Variants in RO60 observed in about 807,000 individuals in gnomAD.
RO60 encodes RNA-binding protein RO60.
In RO60, 20 loss-of-function variants were observed where a neutral mutation model predicts 55.3. That is an observed-to-expected ratio of 0.36 (90% CI 0.25 to 0.53). The LOEUF (loss-of-function observed/expected upper bound fraction) is 0.53. RO60 is among the 20% of genes least tolerant of loss of function. The pLI is 0.92. For missense variants in RO60, 558 were observed against 646.6 expected, an observed-to-expected ratio of 0.86 and a Z score of 1.49; for synonymous variants, 213 against 213.6, an observed-to-expected ratio of 1.00 and a Z score of 0.02.
intron 6 of RO60, among the ~76,000 whole-genome samples, chr1:193,081,852 G>T (rs1470956695): frequency 6.6e-6 from 1 of 152,050 alleles, no homozygotes; most frequent in African/African-American, 2.4e-5. Flanking sequence ...GAACTAATAG[G>T]AGTGTCTAGA....
At chr1:193,074,094 C>G (rs1201029375) in intron 2 of RO60, among the ~76,000 whole-genome samples, 1 of 152,132 alleles carries the variant, frequency 6.6e-6, no homozygotes, top group Non-Finnish European at 1.5e-5. Context: ...GCATAGTATT[C>G]CATGGTGTAT....
At chr1:193,067,431 C>T (rs973652103) in intron 1 of RO60, among the ~76,000 whole-genome samples, 1 of 151,922 alleles carries the variant, frequency 6.6e-6, no homozygotes, top group Admixed American at 6.6e-5. Context: ...GTGATCCGCC[C>T]GTCTCGGCCT....
At chr1:193,079,924 C>A (rs534759945) in intron 5 of RO60, among the ~76,000 whole-genome samples, 2 of 148,324 alleles carry the variant, frequency 1.3e-5, no homozygotes, top group East Asian at 3.9e-4. Context: ...GTCAGGAGTT[C>A]GAGACCAGCC....
chr1:193,073,763 T>A (rs1394722037), intron 2 of RO60, among the ~76,000 whole-genome samples: 2 of 152,100 alleles, frequency 1.3e-5, no homozygotes, highest in Non-Finnish European at 2.9e-5. Context: ...ATACTTTAAG[T>A]TCTAGGGTAC....
At chr1:193,071,890 T>C (rs1272337513) in intron 2 of RO60, among the ~76,000 whole-genome samples, 1 of 150,046 alleles carries the variant, frequency 6.7e-6, no homozygotes, top group Non-Finnish European at 1.5e-5. Context: ...TATGTATGTG[T>C]GTGTATATAT....
chr1:193,067,475 G>A (rs923151245), intron 1 of RO60, among the ~76,000 whole-genome samples: 3 of 152,028 alleles, frequency 2.0e-5, no homozygotes, highest in Non-Finnish European at 4.4e-5. Flanking sequence ...GTGAGCCACT[G>A]TGCCCGGCCC....
At position 193,081,565 on chromosome 1, in the gene RO60, A is replaced by T. The variant is rs1382565712; in HGVS notation, c.1203+85A>T. 9 of 738,394 alleles carry T rather than the reference A, an allele frequency of 1.2e-5. No individual in the cohort carries two copies. In the East Asian group the frequency reaches 2.5e-4, roughly 20 times the overall value. The allele number at this position is 738,394 out of a possible 1,614,324, so 45.7% of individuals were successfully genotyped here. A position where few individuals can be genotyped will look rare whatever the true frequency, so the allele number is the denominator to read the frequency against. ...ATAAGATTAATAATGATTAAGAATT[A>T]TGTTTTCACTTTTTTCTGTCATTTC... On this transcript the variant is annotated intron_variant, in intron 6 of 8. Transcript: ENST00000400968.
At chr1:193,076,721 A>C (rs1385714456) in intron 4 of RO60, 74 bp downstream of exon 4, 2 of 1,453,608 alleles carry the variant, frequency 1.4e-6, no homozygotes. Context: ...AAATGCCGTC[A>C]GTGCATTTTT....
At position 193,088,362 on chromosome 1, in the gene RO60, A is replaced by G. The variant is rs1467230379; in HGVS notation, c.*3631A>G. ...AGTAACCAGTAAATCTACAAATAGT[A>G]AAGTACTATTTTCATCAGGGATTTT... On this transcript the variant is annotated 3_prime_UTR_variant, in exon 9 of 9. Transcript: ENST00000400968. The G allele has an allele frequency of 7.2e-6, 1 of 138,002 alleles. No individual in the cohort carries two copies. Among genetic ancestry groups the G allele is most frequent in the Non-Finnish European group, 1.6e-5 (1 of 63,592 alleles). The allele number at this position is 138,002 out of a possible 1,614,324, so 8.5% of individuals were successfully genotyped here. A position where few individuals can be genotyped will look rare whatever the true frequency, so the allele number is the denominator to read the frequency against.
chr1:193,084,733 C>G lies in RO60; in HGVS notation c.*2C>G. ...AATTTCACATTAGATATGATTTAAC[C>G]ATAAGCAGCAGCACGATCCAGAGAT... is the stretch of plus-strand genomic sequence containing the variant. On this transcript the variant is annotated 3_prime_UTR_variant, in exon 9 of 9. Coordinates refer to ENST00000400968, the MANE Select transcript of RO60 (RefSeq NM_001173524.2). 1 of 1,610,900 alleles carries G rather than the reference C, an allele frequency of 6.2e-7. No individual in the cohort carries two copies. The highest frequency in any genetic ancestry group is 8.5e-7 in the Non-Finnish European group (1 of 1,178,988).
chr1:193,059,756 G>A lies in RO60; in HGVS notation c.-42G>A. On this transcript the variant is annotated 5_prime_UTR_variant, in exon 1 of 9. Coordinates refer to ENST00000400968, the MANE Select transcript of RO60 (RefSeq NM_001173524.2). The surrounding 1 kb of genome is among the most constrained non-coding windows in gnomAD (Gnocchi z 4.9). The stretch of plus-strand genomic sequence containing the variant: ...TCTCCTGGCGGCGCTGCGGATCCAG[G>A]GGGTCGGCTGCCAGGTACAGGTGAG... 1 of 1,355,982 alleles carries A rather than the reference G, an allele frequency of 7.4e-7. No individual in the cohort carries two copies. The highest frequency in any genetic ancestry group is 1.2e-5 in the South Asian group (1 of 86,272). 84.0% of individuals were successfully genotyped at this position (1,355,982 alleles called of 1,614,324 possible).
At position 193,082,203 on chromosome 1, in the gene RO60, A is replaced by G. The variant is rs779259987; in HGVS notation, c.1221A>G (p.Glu407=). 1 of 1,612,716 alleles carries G rather than the reference A, an allele frequency of 6.2e-7. No individual in the cohort carries two copies. Residue 407 remains glutamate, a synonymous_variant, in exon 7 of 9, where the codon GAA becomes GAG. Transcript: ENST00000400968. ...TTTTTCAGGTTGTCACACGAACAGA[A>G]AAAGATTCTTATGTAGTTGCTTTTT... is the stretch of plus-strand genomic sequence containing the variant. ...AAMCMVVTRT[E]KDSYVVAFSD...
At chr1:193,060,221 AG>A in intron 1 of RO60, 1 of 785,424 alleles carries the variant, frequency 1.3e-6, no homozygotes, top group Non-Finnish European at 1.7e-6. Flanking sequence ...GAGAGGAGAA[AG>A]GTTTGTCCAT....
rs1673476937 is a variant in RO60 at position 193,071,295 on chromosome 1, C to A, written c.580+1661C>A. ...ATAGCCTGGGAGTTGAGGGCCCTTG[C>A]TGTATATCAGATGTTGTAATTTACT... On this transcript the variant is annotated intron_variant, in intron 2 of 8. Transcript: ENST00000400968. 1.3e-5 allele frequency among the ~76,000 whole-genome samples: 2 copies of A among 152,148 alleles called. 1 individual carries two copies. Among genetic ancestry groups the A allele is most frequent in the African/African-American group, 4.8e-5 (2 of 41,422 alleles).
At chr1:193,060,236 G>A (rs1310328941) in intron 1 of RO60, 2 of 592,176 alleles carry the variant, frequency 3.4e-6, no homozygotes, top group East Asian at 1.4e-4. Flanking sequence ...TGTCCATGGG[G>A]CTGCTAGACT....
At chr1:193,076,085 TTAGTG>T (rs761350705) in intron 3 of RO60, 45 bp downstream of exon 3, 23 of 1,324,220 alleles carry the variant, frequency 1.7e-5, no homozygotes, top group Admixed American at 4.4e-5. Flanking sequence ...CATGAGTAAT[TTAGTG>T]TAGGTGCTAA....
chr1:193,073,599 A>T (rs1673670717), intron 2 of RO60, among the ~76,000 whole-genome samples: 1 of 152,050 alleles, frequency 6.6e-6, no homozygotes, highest in Non-Finnish European at 1.5e-5. Context: ...TTTGAGACAG[A>T]GTCTCACTCT....
At position 193,088,918 on chromosome 1, in the gene RO60, T is replaced by C. The variant is rs1214670771; in HGVS notation, c.*4187T>C. The C allele has an allele frequency of 6.6e-6, 1 of 152,208 alleles. No individual in the cohort carries two copies. 9.4% of individuals were successfully genotyped at this position (152,208 alleles called of 1,614,324 possible). ...TTCTTACATTTCTGTTGTTTCTTTT[T>C]CTAGTCCTTCTCTATCTGGATAATA... On this transcript the variant is annotated 3_prime_UTR_variant, in exon 9 of 9. Transcript: ENST00000400968.
chr1:193,091,376 C>T (rs1412641731), downstream of RO60: 4 of 306,516 alleles, frequency 1.3e-5, no homozygotes, highest in African/African-American at 6.6e-5. Flanking sequence ...TTTAAATTGT[C>T]AAGCTGGTGC....
Sources: allele counts gnomAD v4.1 joint callset (sites outside exome capture counted in the v4.1 genomes callset), GRCh38; gene constraint gnomAD v4.1.1; non-coding constraint Gnocchi (gnomAD v3.1); transcripts MANE v1.5; gene names NCBI Gene and HGNC (gene_info 2026-07-23, HGNC 2026-07-21).